The following CSTPP1 variants were observed in gnomAD, a reference collection of about 807,000 sequenced individuals.
The protein encoded by CSTPP1 is centriolar satellite-associated tubulin polyglutamylase complex regulator 1.
At chr11:47,145,265 C>T in the CSTPP1 span, among the ~76,000 whole-genome samples, 2 of 151,992 alleles carry the variant, frequency 1.3e-5, no homozygotes, top group Non-Finnish European at 2.9e-5. Flanking sequence ...GCATTACAGG[C>T]GTGGGCCACC....
chr11:47,139,365 G>T, the CSTPP1 span, among the ~76,000 whole-genome samples: 4 of 152,144 alleles, frequency 2.6e-5, no homozygotes, highest in Non-Finnish European at 5.9e-5. Flanking sequence ...AGAGGGTTGC[G>T]GTTGGAGACC....
At chr11:46,958,633 G>T in the CSTPP1 span, among the ~76,000 whole-genome samples, 3 of 152,162 alleles carry the variant, frequency 2.0e-5, no homozygotes, top group African/African-American at 7.2e-5. Flanking sequence ...AGGGTCAGCT[G>T]TATAGATTTA....
chr11:46,998,650 T>C, the CSTPP1 span, among the ~76,000 whole-genome samples: 1 of 152,180 alleles, frequency 6.6e-6, no homozygotes, highest in African/African-American at 2.4e-5. Context: ...CAAGGAGACC[T>C]GGATGATGGA....
At chr11:47,002,143 A>G in the CSTPP1 span, among the ~76,000 whole-genome samples, 2 of 151,228 alleles carry the variant, frequency 1.3e-5, no homozygotes, top group African/African-American at 2.4e-5. Context: ...ACAGAAAATT[A>G]CCCGTTTCTC....
chr11:47,154,050 C>T, the CSTPP1 span, among the ~76,000 whole-genome samples: 1 of 152,122 alleles, frequency 6.6e-6, no homozygotes, highest in Non-Finnish European at 1.5e-5. Context: ...AGCGCTTCTC[C>T]TGCTTCAGCC....
chr11:47,087,626 G>A, the CSTPP1 span, among the ~76,000 whole-genome samples: 1 of 152,204 alleles, frequency 6.6e-6, no homozygotes, highest in African/African-American at 2.4e-5. Flanking sequence ...TTGAACCAGG[G>A]AGTCGGAGGT....
At chr11:47,001,234 C>G in the CSTPP1 span, among the ~76,000 whole-genome samples, 1 of 152,092 alleles carries the variant, frequency 6.6e-6, no homozygotes, top group Non-Finnish European at 1.5e-5. Flanking sequence ...TTCTTAGGAC[C>G]CCCTCATGGG....
At chr11:46,994,351 G>T in the CSTPP1 span, among the ~76,000 whole-genome samples, 2 of 152,140 alleles carry the variant, frequency 1.3e-5, no homozygotes, top group Admixed American at 6.5e-5. Flanking sequence ...TCCCTGTCTT[G>T]TGCCAGTTTT....
chr11:47,117,877 C>CTTTTTTTTTTTTTTTTTT, the CSTPP1 span, among the ~76,000 whole-genome samples: 1 of 66,372 alleles, frequency 1.5e-5, no homozygotes, highest in Admixed American at 2.0e-4. Context: ...TATTTCTTTT[C>CTTTTTTTTTTTTTTTTTT]TTTTTTTTTT....
chr11:46,997,293 A>G, the CSTPP1 span, among the ~76,000 whole-genome samples: 1 of 151,906 alleles, frequency 6.6e-6, no homozygotes, highest in Non-Finnish European at 1.5e-5. Context: ...TTCTTGCTTC[A>G]TTTCATTCAT....
the CSTPP1 span, among the ~76,000 whole-genome samples, chr11:47,129,945 T>C: frequency 7.9e-5 from 12 of 152,192 alleles, no homozygotes; most frequent in Non-Finnish European, 1.6e-4. Context: ...GGTGTCTGGC[T>C]TAGTCATAAT....
At chr11:47,152,563 G>A in the CSTPP1 span, among the ~76,000 whole-genome samples, 1 of 152,230 alleles carries the variant, frequency 6.6e-6, no homozygotes, top group East Asian at 1.9e-4. Context: ...ACGAGCTCAA[G>A]CTTCTGCTCC....
At chr11:47,086,419 A>T in the CSTPP1 span, among the ~76,000 whole-genome samples, 10 of 151,986 alleles carry the variant, frequency 6.6e-5, no homozygotes, top group East Asian at 5.8e-4. Flanking sequence ...AAAATTTTTT[A>T]AAAAGAATAA....
At chr11:46,955,375 T>G in the CSTPP1 span, among the ~76,000 whole-genome samples, 42 of 151,570 alleles carry the variant, frequency 2.8e-4, no homozygotes, top group Non-Finnish European at 3.7e-4. Flanking sequence ...TTTTGTTTTT[T>G]TTTTTTCGAG....
the CSTPP1 span, among the ~76,000 whole-genome samples, chr11:47,001,584 G>C: frequency 6.6e-6 from 1 of 150,860 alleles, no homozygotes; most frequent in Non-Finnish European, 1.5e-5. Flanking sequence ...TTGTTACATA[G>C]GTAATAGTGC....
At chr11:47,101,430 G>C in the CSTPP1 span, among the ~76,000 whole-genome samples, 1 of 151,624 alleles carries the variant, frequency 6.6e-6, no homozygotes, top group African/African-American at 2.4e-5. Flanking sequence ...AGTATGGATA[G>C]TTTTAAGATG....
the CSTPP1 span, chr11:47,041,512 A>G: frequency 2.7e-6 from 1 of 366,098 alleles, no homozygotes; most frequent in South Asian, 2.2e-5. Flanking sequence ...TGTCATGTCA[A>G]CCACCACCAC....
At chr11:46,951,398 G>T in the CSTPP1 span, among the ~76,000 whole-genome samples, 1 of 151,094 alleles carries the variant, frequency 6.6e-6, no homozygotes, top group Non-Finnish European at 1.5e-5. Context: ...CTGAGCTCAG[G>T]TGATCCTCCC....
the CSTPP1 span, among the ~76,000 whole-genome samples, chr11:46,950,547 A>G: frequency 2.1e-4 from 32 of 152,206 alleles, no homozygotes; most frequent in East Asian, 2.7e-3. Context: ...ATACAGAGAT[A>G]ATATTTCAAC....
Sources: gnomAD v4.1 joint callset for allele counts (sites outside exome capture counted in the v4.1 genomes callset) on GRCh38, gnomAD v4.1.1 for gene constraint, MANE v1.5 for transcripts, NCBI Gene and HGNC (gene_info 2026-07-23, HGNC 2026-07-21) for gene names.